The following PPP2R3B variants were observed in gnomAD, a reference collection of about 807,000 sequenced individuals.
PPP2R3B encodes the protein serine/threonine-protein phosphatase 2A regulatory subunit B'' subunit beta.
PPP2R3B carries 68 observed loss-of-function variants against 72.9 expected under a neutral mutation model. The observed-to-expected ratio is 0.93, with a 90% CI of 0.77 to 1.14. The LOEUF (loss-of-function observed/expected upper bound fraction) is 1.14, where lower values mean the gene tolerates loss of function less well. Among genes scored for constraint, PPP2R3B ranks in the 50% most tolerant of loss-of-function variants. PPP2R3B has a pLI of 0.00. For missense variants in PPP2R3B, 1,018 were observed against 842.0 expected, an observed-to-expected ratio of 1.21 and a Z score of -2.59; for synonymous variants, 466 against 375.8, an observed-to-expected ratio of 1.24 and a Z score of -2.78.
intron 2 of PPP2R3B, among the ~76,000 whole-genome samples, chrX:348,579 A>AC (rs2071270900): frequency 8.5e-6 from 1 of 117,056 alleles, no homozygotes; most frequent in South Asian, 3.2e-4. Flanking sequence ...CTGTCTCAAA[A>AC]AAAGAGCAAA....
chrX:361,610 C>T lies in PPP2R3B; in HGVS notation c.325-20G>A, dbSNP rs149051350. On this transcript the variant is annotated intron_variant, in intron 1 of 12. Transcript: ENST00000390665. ...CTGAACCTGAAGAGTCGACAGACAG[C>T]GCTCAGTTAGAACCTGGGAGCATCG... 10,549 of 1,612,570 alleles carry T rather than the reference C, an allele frequency of 6.5e-3. 133 individuals carry two copies. Among genetic ancestry groups the T allele is most frequent in the East Asian group, 0.053 (2,358 of 44,858 alleles).
intron 2 of PPP2R3B, among the ~76,000 whole-genome samples, chrX:356,221 G>C (rs1569397266): frequency 6.6e-6 from 1 of 152,022 alleles, no homozygotes; most frequent in African/African-American, 2.4e-5. Flanking sequence ...TTTGTTTTTT[G>C]TTTTTTTGCG....
intron 7 of PPP2R3B, chrX:345,179 GC>G (rs1293235368): frequency 3.6e-6 from 2 of 562,148 alleles, no homozygotes. Flanking sequence ...CTGAGGGAAG[GC>G]GTGTGGCCTG....
Position 386,557 on chromosome X carries a change from G to T in PPP2R3B, c.135C>A (p.Asp45Glu). 7.0e-7 allele frequency: 1 copy of T among 1,437,058 alleles called. No homozygotes were observed. Among genetic ancestry groups the T allele is most frequent in the Non-Finnish European group, 9.1e-7 (1 of 1,093,546 alleles). The allele number at this position is 1,437,058 out of a possible 1,614,324, so 89.0% of individuals were successfully genotyped here. The change falls in exon 1 of 13, where the codon GAC (aspartate) becomes GAA (glutamate). Residue 45 changes from aspartate to glutamate, a missense_variant. Transcript: ENST00000390665. ...CLRRIKAPGR[D>E]QPTPGDGEQP... Reference sequence around the variant, plus strand: ...GCTCCCCGTCCCCCGGGGTCGGCTGGTCCCGCCCGGGCGCCTTGATCCGGC... The same window carrying T: ...GCTCCCCGTCCCCCGGGGTCGGCTGTTCCCGCCCGGGCGCCTTGATCCGGC...
intron 2 of PPP2R3B, among the ~76,000 whole-genome samples, chrX:350,752 A>T (rs1408313087): frequency 6.6e-6 from 1 of 152,138 alleles, no homozygotes; most frequent in African/African-American, 2.4e-5. Flanking sequence ...TTGCTGGGGG[A>T]ACTGGGACGC....
At chrX:374,043 C>T (rs1335629081) in intron 1 of PPP2R3B, 2 of 152,480 alleles carry the variant, frequency 1.3e-5, no homozygotes, top group African/African-American at 4.8e-5. Flanking sequence ...CGGCAGCCGT[C>T]ACGTGGCTCG....
intron 12 of PPP2R3B, 194 bp from the exon 13 acceptor site, chrX:334,711 G>C: frequency 1.6e-6 from 1 of 635,072 alleles, no homozygotes; most frequent in African/African-American, 1.9e-5. Context: ...TCCCGGGGGA[G>C]GGGCCTGCGG....
At chrX:363,596 C>T (rs112121402) in intron 1 of PPP2R3B, among the ~76,000 whole-genome samples, 11 of 144,948 alleles carry the variant, frequency 7.6e-5, no homozygotes, top group East Asian at 4.2e-4. Context: ...TGCATCTCCC[C>T]GTGCCCGCAA....
Position 334,376 on chromosome X carries a change from C to A in PPP2R3B, c.1719G>T (p.Glu573Asp). ...GTTCTCGCGGGCGGCGTCACAGCGGCTCCAGGTCCTCGTCCCCGCATGCGT... is the reference window on the plus strand; with the variant it reads ...GTTCTCGCGGGCGGCGTCACAGCGGATCCAGGTCCTCGTCCCCGCATGCGT... ...YEYACGDEDLEPL is the reference protein window; with the variant it reads ...YEYACGDEDLDPL Residue 573 changes from glutamate (E) to aspartate (D), a missense_variant, in exon 13 of 13, where the codon GAG becomes GAT. Coordinates refer to ENST00000390665, the MANE Select transcript of PPP2R3B (RefSeq NM_013239.5). 6.6e-7 allele frequency: 1 copy of A among 1,513,646 alleles called. No individual in the cohort carries two copies. The allele number at this position is 1,513,646 out of a possible 1,614,324, so 93.8% of individuals were successfully genotyped here.
At position 334,529 on chromosome X, in the gene PPP2R3B, G is replaced by C. The variant is rs1205272881; in HGVS notation, c.1578-12C>G. 2.6e-6 allele frequency: 4 copies of C among 1,528,324 alleles called. No individual in the cohort carries two copies. Among genetic ancestry groups the C allele is most frequent in the Non-Finnish European group, 3.5e-6 (4 of 1,145,166 alleles). 94.7% of individuals were successfully genotyped at this position (1,528,324 alleles called of 1,614,324 possible). ...GCTCGGCCTCGAACCTGCAACGAGG[G>C]GATGGCGAAGACGTGGCCAGCAGCG... is the stretch of plus-strand genomic sequence containing the variant. On this transcript the variant is annotated splice_polypyrimidine_tract_variant and intron_variant, in intron 12 of 12. Transcript: ENST00000390665.
intron 12 of PPP2R3B, chrX:335,100 C>G (rs1173444744): frequency 6.6e-6 from 1 of 152,370 alleles, no homozygotes; most frequent in African/African-American, 2.4e-5. Context: ...ACGCCCCCGA[C>G]AGCCTGGCAC....
chrX:369,041 A>G (rs1476153347), intron 1 of PPP2R3B, among the ~76,000 whole-genome samples: 1 of 152,224 alleles, frequency 6.6e-6, no homozygotes, highest in Non-Finnish European at 1.5e-5. Context: ...CAGAGCACAC[A>G]TTCTTTTCAA....
At chrX:337,597 A>C (rs968504162) in intron 12 of PPP2R3B, 4 of 152,356 alleles carry the variant, frequency 2.6e-5, no homozygotes, top group African/African-American at 9.6e-5. Context: ...ACGTTCCCAC[A>C]GGACGGCAGA....
intron 1 of PPP2R3B, among the ~76,000 whole-genome samples, chrX:367,053 T>G (rs1309505535): frequency 1.4e-5 from 2 of 146,296 alleles, no homozygotes; most frequent in Non-Finnish European, 3.0e-5. Context: ...AGATGAATAC[T>G]TGGACATTTT....
chrX:350,154 G>A (rs1023224712), intron 2 of PPP2R3B, among the ~76,000 whole-genome samples: 1 of 152,172 alleles, frequency 6.6e-6, no homozygotes, highest in Admixed American at 6.5e-5. Context: ...GTCGGGCACC[G>A]GTGGCCTAAG....
At chrX:345,327 A>C in intron 7 of PPP2R3B, 189 bp downstream of exon 7, 1 of 838,304 alleles carries the variant, frequency 1.2e-6, no homozygotes, top group Non-Finnish European at 2.0e-6. Context: ...GCACGCGGGG[A>C]CCCAGACACG....
intron 1 of PPP2R3B, among the ~76,000 whole-genome samples, chrX:385,546 G>T (rs73613901): frequency 6.6e-6 from 1 of 151,934 alleles, no homozygotes; most frequent in Non-Finnish European, 1.5e-5. Flanking sequence ...GATTTTGGGA[G>T]GCCGAAGCGG....
At chrX:352,803 G>A (rs2071357993) in intron 2 of PPP2R3B, among the ~76,000 whole-genome samples, 1 of 151,706 alleles carries the variant, frequency 6.6e-6, no homozygotes, top group African/African-American at 2.4e-5. Flanking sequence ...GCGTTCCTCG[G>A]CGGGTGACGG....
In PPP2R3B at chrX:345,592, G is replaced by A. The variant is rs751411714; in HGVS notation, c.960C>T (p.Tyr320=). 46 of 1,613,250 alleles carry A rather than the reference G, an allele frequency of 2.9e-5. No homozygotes were observed. The highest frequency in any genetic ancestry group is 3.3e-5 in the Non-Finnish European group (39 of 1,179,584). Residue 320 remains tyrosine, a synonymous_variant, in exon 7 of 13, where the codon TAC becomes TAT. Transcript: ENST00000390665. ...FFSYEHFYVI[Y]CKFWELDTDH... is the part of the protein sequence containing the mutation. ...CCGTGTCCAGCTCCCAGAACTTGCA[G>A]TAGATGACGTAGAAATGCTCGTACG...
Sources: gnomAD v4.1 joint callset for allele counts (sites outside exome capture counted in the v4.1 genomes callset) on GRCh38, gnomAD v4.1.1 for gene constraint, MANE v1.5 for transcripts, NCBI Gene and HGNC (gene_info 2026-07-23, HGNC 2026-07-21) for gene names.